BTBD7: variants seen among roughly 807,000 people sequenced by gnomAD.
The protein encoded by BTBD7 is BTB domain containing 7, also known as BTB/POZ domain-containing protein 7.
BTBD7 carries 38 observed loss-of-function variants against 99.9 expected under a neutral mutation model. The observed-to-expected ratio is 0.38, with a 90% CI of 0.29 to 0.50. BTBD7 has a LOEUF of 0.50. Among genes scored for constraint, BTBD7 ranks in the 20% least tolerant of loss-of-function variants. The pLI, the probability that BTBD7 is intolerant of heterozygous loss-of-function variation, is 0.93. For synonymous variants in BTBD7, 520 were observed against 511.4 expected, an observed-to-expected ratio of 1.02 and a Z score of -0.23; for missense variants, 1,170 against 1,394.6, an observed-to-expected ratio of 0.84 and a Z score of 2.57.
intron 1 of BTBD7, among the ~76,000 whole-genome samples, chr14:93,326,518 T>C (rs1414475027): frequency 2.6e-5 from 4 of 151,944 alleles, no homozygotes; most frequent in Non-Finnish European, 5.9e-5. Context: ...AAAAGAAAAC[T>C]GGGCCAGACA....
Position 93,251,614 on chromosome 14 carries a change from A to G in BTBD7, c.1791T>C (p.Leu597=). ...LDEMMVEQTD[L]VRLRMVRMSN... is the part of the protein sequence containing the mutation. ...ACATTCTAACCATTCGCAAGCGCAC[A>G]AGATCCGTTTGTTCCACCATCATCT... Residue 597 remains leucine (L), a synonymous_variant, in exon 8 of 11, where the codon CTT becomes CTC. Transcript: ENST00000334746. 1.9e-6 allele frequency: 3 copies of G among 1,613,374 alleles called. No individual in the cohort carries two copies. Among genetic ancestry groups the G allele is most frequent in the Non-Finnish European group, 2.5e-6 (3 of 1,179,468 alleles).
intron 1 of BTBD7, among the ~76,000 whole-genome samples, chr14:93,308,546 T>G (rs1199210063): frequency 6.6e-6 from 1 of 152,148 alleles, no homozygotes; most frequent in South Asian, 2.1e-4. Context: ...CAAACAGATG[T>G]GTACACCCAC....
intron 1 of BTBD7, among the ~76,000 whole-genome samples, chr14:93,321,131 A>AC (rs1336789096): frequency 2.6e-5 from 4 of 152,222 alleles, no homozygotes; most frequent in Non-Finnish European, 4.4e-5. Context: ...TGAAAACATT[A>AC]CTGCATTTAC....
At chr14:93,272,309 G>T (rs2052609512) in intron 3 of BTBD7, among the ~76,000 whole-genome samples, 1 of 152,168 alleles carries the variant, frequency 6.6e-6, no homozygotes, top group Admixed American at 6.5e-5. Flanking sequence ...TACATCCTGT[G>T]AGTCTTATTT....
chr14:93,261,570 G>A (rs754984155), intron 5 of BTBD7, 32 bp downstream of exon 5: 1 of 1,523,628 alleles, frequency 6.6e-7, no homozygotes, highest in South Asian at 1.1e-5. Context: ...TTTACACAAG[G>A]TAACTAGTGC....
In BTBD7 at chr14:93,240,584, T is replaced by C. The variant is rs531885533; in HGVS notation, c.*1689A>G. ...TACATAGAAAAGAGGATCCCAAATA[T>C]CCTGCAGAGGAAGGAATGCTTAGAA... On this transcript the variant is annotated 3_prime_UTR_variant, in exon 11 of 11. Transcript: ENST00000334746. 6.5e-6 allele frequency: 1 copy of C among 152,728 alleles called. No individual in the cohort carries two copies. Among genetic ancestry groups the C allele is most frequent in the Non-Finnish European group, 1.5e-5 (1 of 68,012 alleles). The allele number at this position is 152,728 out of a possible 1,614,324, so 9.5% of individuals were successfully genotyped here.
rs534729321 is a variant in BTBD7, at chr14:93,306,148, C to T, written c.-106-9991G>A. On this transcript the variant is annotated intron_variant, in intron 1 of 10. Coordinates refer to ENST00000334746, the MANE Select transcript of BTBD7 (RefSeq NM_001002860.4). ...TAGAAGACATAGTGAAGAATGCTCA[C>T]CAAACTGGTAAGGGGAATGGTGGAG... Among the ~76,000 whole-genome samples, 38 of 152,064 alleles carry T rather than the reference C, an allele frequency of 2.5e-4. 1 individual carries two copies. The highest frequency in any genetic ancestry group is 2.5e-4 in the Non-Finnish European group (17 of 68,002).
intron 1 of BTBD7, among the ~76,000 whole-genome samples, chr14:93,330,552 C>T (rs972466374): frequency 1.1e-4 from 17 of 152,188 alleles, no homozygotes; most frequent in African/African-American, 3.9e-4. Flanking sequence ...CTTCGAGACT[C>T]ATGTTGGTAC....
chr14:93,324,745 A>C (rs1422860637), intron 1 of BTBD7, among the ~76,000 whole-genome samples: 1 of 152,202 alleles, frequency 6.6e-6, no homozygotes, highest in African/African-American at 2.4e-5. Context: ...GATCGGTACA[A>C]ATAAGAGTTT....
chr14:93,295,537 A>G (rs1280576324), intron 2 of BTBD7, among the ~76,000 whole-genome samples: 1 of 152,214 alleles, frequency 6.6e-6, no homozygotes, highest in African/African-American at 2.4e-5. Flanking sequence ...TTTGTCATAG[A>G]TCTTAATCAT....
At chr14:93,267,909 T>C (rs1442846575) in intron 3 of BTBD7, among the ~76,000 whole-genome samples, 2 of 152,240 alleles carry the variant, frequency 1.3e-5, no homozygotes, top group Non-Finnish European at 2.9e-5. Context: ...ATCTGCTCTC[T>C]GTACTGTTGC....
At chr14:93,311,244 G>C (rs1269402432) in intron 1 of BTBD7, among the ~76,000 whole-genome samples, 3 of 152,066 alleles carry the variant, frequency 2.0e-5, no homozygotes, top group Admixed American at 2.0e-4. Context: ...TATTCAAATT[G>C]GTTCCTGAGA....
chr14:93,284,552 T>C (rs2052756352), intron 3 of BTBD7, among the ~76,000 whole-genome samples: 1 of 151,956 alleles, frequency 6.6e-6, no homozygotes. Flanking sequence ...AATAAAGCAG[T>C]GTGCTAGGTT....
At chr14:93,323,848 A>C (rs1296213173) in intron 1 of BTBD7, among the ~76,000 whole-genome samples, 2 of 152,148 alleles carry the variant, frequency 1.3e-5, no homozygotes, top group African/African-American at 4.8e-5. Context: ...CTCTTTAAAA[A>C]ACTGCTTTCA....
At chr14:93,289,342 A>G (rs1003914146) in intron 3 of BTBD7, among the ~76,000 whole-genome samples, 1 of 152,242 alleles carries the variant, frequency 6.6e-6, no homozygotes, top group African/African-American at 2.4e-5. Context: ...CTGATCCCTC[A>G]GTATTCAGAC....
chr14:93,265,847 G>C (rs1358934465), intron 3 of BTBD7, among the ~76,000 whole-genome samples: 1 of 152,160 alleles, frequency 6.6e-6, no homozygotes, highest in East Asian at 1.9e-4. Context: ...GCTTGAACCC[G>C]GGAAGTGGAG....
Position 93,317,366 on chromosome 14 carries a change from T to C in BTBD7, c.-107+15454A>G, listed in dbSNP as rs527570242. On this transcript the variant is annotated intron_variant, in intron 1 of 10. Coordinates refer to ENST00000334746, the MANE Select transcript of BTBD7 (RefSeq NM_001002860.4). Reference sequence around the variant, plus strand: ...TTGCACTGAGCTAATGTTGATACTTTTTTTTTTTTTTAAGAGAAACAGGGT... The same window carrying C: ...TTGCACTGAGCTAATGTTGATACTTCTTTTTTTTTTTAAGAGAAACAGGGT... Among the ~76,000 whole-genome samples the C allele has an allele frequency of 2.1e-3, 318 of 149,922 alleles. 3 individuals carry two copies. The highest frequency in any genetic ancestry group is 7.5e-3 in the African/African-American group (305 of 40,896).
chr14:93,326,635 C>G (rs1353862901), intron 1 of BTBD7, among the ~76,000 whole-genome samples: 1 of 152,000 alleles, frequency 6.6e-6, no homozygotes, highest in Non-Finnish European at 1.5e-5. Flanking sequence ...AACCCTGTCT[C>G]TACTAAAAAT....
At chr14:93,283,238 G>A (rs993781862) in intron 3 of BTBD7, among the ~76,000 whole-genome samples, 5 of 151,960 alleles carry the variant, frequency 3.3e-5, no homozygotes, top group African/African-American at 4.8e-5. Flanking sequence ...CCACCCACTC[G>A]GCTAATTTCT....
Sources: allele counts gnomAD v4.1 joint callset (sites outside exome capture counted in the v4.1 genomes callset), GRCh38; gene constraint gnomAD v4.1.1; transcripts MANE v1.5; gene names NCBI Gene and HGNC (gene_info 2026-07-23, HGNC 2026-07-21).